Variants in DGKI observed in about 807,000 individuals in gnomAD.
DGKI encodes the protein DAG kinase iota.
A neutral mutation model predicts 147.5 loss-of-function variants in DGKI; 55 were observed. That is an observed-to-expected ratio of 0.37 (90% confidence interval 0.30 to 0.47). The LOEUF (loss-of-function observed/expected upper bound fraction) is 0.47. Among genes scored for constraint, DGKI ranks in the 20% least tolerant of loss-of-function variants. DGKI has a pLI of 1.00. For synonymous variants in DGKI, 469 were observed against 477.1 expected (o/e 0.98, Z 0.22); for missense variants, 1,007 against 1,323.8 (o/e 0.76, Z 3.71).
chr7:137,702,392 G>A (rs1723221249), intron 1 of DGKI, among the ~76,000 whole-genome samples: 1 of 152,124 alleles, frequency 6.6e-6, no homozygotes, highest in Admixed American at 6.5e-5. Flanking sequence ...TCCTATTTCT[G>A]TGCTTCTAGC....
chr7:137,583,398 C>A (rs1299197356), intron 14 of DGKI, among the ~76,000 whole-genome samples: 1 of 152,188 alleles, frequency 6.6e-6, no homozygotes, highest in Non-Finnish European at 1.5e-5. Flanking sequence ...GCCAAAAGCA[C>A]AGACATGTTC....
intron 28 of DGKI, among the ~76,000 whole-genome samples, chr7:137,443,305 C>A (rs1813583298): frequency 6.6e-6 from 1 of 152,110 alleles, no homozygotes; most frequent in Non-Finnish European, 1.5e-5. Context: ...CATTTTGGTG[C>A]TAGCCCGGTA....
intron 17 of DGKI, among the ~76,000 whole-genome samples, chr7:137,576,012 C>A (rs1818957857): frequency 6.7e-6 from 1 of 148,518 alleles, no homozygotes; most frequent in Non-Finnish European, 1.5e-5. Context: ...TTGTTCTGTT[C>A]TCTCTTGTCA....
chr7:137,621,376 G>A (rs763969408), intron 7 of DGKI, among the ~76,000 whole-genome samples: 1 of 152,062 alleles, frequency 6.6e-6, no homozygotes, highest in Non-Finnish European at 1.5e-5. Flanking sequence ...GAATACTTAA[G>A]TAATCTCCAC....
intron 30 of DGKI, among the ~76,000 whole-genome samples, chr7:137,398,904 AATACATC>A (rs1375923616): frequency 6.6e-6 from 1 of 151,976 alleles, no homozygotes; most frequent in African/African-American, 2.4e-5. Flanking sequence ...CTAGGTTTCC[AATACATC>A]ATATCTACTG....
chr7:137,475,756 T>C (rs1046527134), intron 23 of DGKI, among the ~76,000 whole-genome samples: 1 of 152,250 alleles, frequency 6.6e-6, no homozygotes, highest in African/African-American at 2.4e-5. Flanking sequence ...TTGGAGTTAC[T>C]GTAAGTCTGA....
chr7:137,631,509 C>T (rs1360793003), intron 6 of DGKI, among the ~76,000 whole-genome samples: 1 of 152,120 alleles, frequency 6.6e-6, no homozygotes, highest in Non-Finnish European at 1.5e-5. Flanking sequence ...AAAAAAACTA[C>T]ATCTCAAAAG....
At chr7:137,568,775 A>C (rs554444242) in intron 19 of DGKI, among the ~76,000 whole-genome samples, 23 of 152,220 alleles carry the variant, frequency 1.5e-4, no homozygotes, top group African/African-American at 5.5e-4. Flanking sequence ...AACCTAGTGC[A>C]CTATTTGTGA....
intron 20 of DGKI, among the ~76,000 whole-genome samples, chr7:137,536,680 T>C (rs1342266288): frequency 6.6e-6 from 1 of 152,174 alleles, no homozygotes; most frequent in Non-Finnish European, 1.5e-5. Context: ...GGTTAATACA[T>C]GGCTGATGTT....
At chr7:137,830,685 T>C (rs770314952) in intron 1 of DGKI, among the ~76,000 whole-genome samples, 1 of 152,208 alleles carries the variant, frequency 6.6e-6, no homozygotes, top group Non-Finnish European at 1.5e-5. Context: ...TGAAGAGGCA[T>C]GTGATATTTG....
chr7:137,646,504 G>A lies in DGKI; in HGVS notation c.739-967C>T, dbSNP rs1821829459. Among the ~76,000 whole-genome samples, 6 of 152,246 alleles carry A rather than the reference G, an allele frequency of 3.9e-5. 1 individual carries two copies. In the Middle Eastern group the frequency reaches 0.014, roughly 345 times the overall value. On this transcript the variant is annotated intron_variant, in intron 5 of 32. Transcript: ENST00000614521. ...CACTCCTGGGGCAGAGTCAAGCAGCGCCATTCACCACTGGTTCTCAGGATA... is the reference window on the plus strand; with the variant it reads ...CACTCCTGGGGCAGAGTCAAGCAGCACCATTCACCACTGGTTCTCAGGATA...
At chr7:137,447,498 G>A (rs1442639864) in intron 27 of DGKI, among the ~76,000 whole-genome samples, 1 of 152,190 alleles carries the variant, frequency 6.6e-6, no homozygotes, top group Non-Finnish European at 1.5e-5. Context: ...ACTTGGCTTT[G>A]AAGAATAAAG....
At chr7:137,798,084 T>A (rs967015153) in intron 1 of DGKI, among the ~76,000 whole-genome samples, 1 of 152,068 alleles carries the variant, frequency 6.6e-6, no homozygotes, top group Non-Finnish European at 1.5e-5. Flanking sequence ...ACTAATTAGA[T>A]GACCTAGATT....
Position 137,770,595 on chromosome 7 carries a change from G to A in DGKI, c.401+75867C>T, listed in dbSNP as rs1796162743. Among the ~76,000 whole-genome samples the A allele has an allele frequency of 2.0e-5, 2 of 102,458 alleles. 1 individual carries two copies. The highest frequency in any genetic ancestry group is 1.5e-4 in the African/African-American group (2 of 13,408). 67.2% of individuals were successfully genotyped at this position (102,458 alleles called of 152,430 possible). A position where few individuals can be genotyped will look rare whatever the true frequency, so the allele number is the denominator to read the frequency against. On this transcript the variant is annotated intron_variant, in intron 1 of 32. Transcript: ENST00000614521. Reference sequence around the variant, plus strand: ...GTCGCCCAGGCTGGAGTGCAGTGGCGGGATCTCGGCTCACTGCAAGCTCCG... The same window carrying A: ...GTCGCCCAGGCTGGAGTGCAGTGGCAGGATCTCGGCTCACTGCAAGCTCCG...
At chr7:137,690,186 G>C (rs1203844979) in intron 1 of DGKI, among the ~76,000 whole-genome samples, 184 bp from the exon 2 acceptor site, 1 of 152,134 alleles carries the variant, frequency 6.6e-6, no homozygotes, top group African/African-American at 2.4e-5. Context: ...GAGGGTGGCA[G>C]GTCCCAAAAG....
intron 27 of DGKI, among the ~76,000 whole-genome samples, chr7:137,444,980 C>T (rs984611754): frequency 2.6e-5 from 4 of 152,168 alleles, no homozygotes; most frequent in Non-Finnish European, 5.9e-5. Flanking sequence ...CATACTTCCC[C>T]TATTTTGAAG....
intron 6 of DGKI, among the ~76,000 whole-genome samples, chr7:137,642,983 A>G (rs1045307383): frequency 1.5e-4 from 15 of 99,222 alleles, no homozygotes; most frequent in Admixed American, 1.3e-3. Flanking sequence ...TGGGGGATGG[A>G]GTGAGGTTTA....
intron 1 of DGKI, chr7:137,772,220 AT>A (rs1414119640): frequency 2.2e-5 from 3 of 133,874 alleles, no homozygotes; most frequent in South Asian, 2.4e-4. Flanking sequence ...TAAAGGTAGA[AT>A]TTTAAAACAA....
intron 21 of DGKI, among the ~76,000 whole-genome samples, chr7:137,490,333 C>T (rs1815718612): frequency 6.6e-6 from 1 of 152,150 alleles, no homozygotes; most frequent in Non-Finnish European, 1.5e-5. Flanking sequence ...GAATAGATGT[C>T]ATACAGGATT....
Sources: gnomAD v4.1 joint callset for allele counts (sites outside exome capture counted in the v4.1 genomes callset) on GRCh38, gnomAD v4.1.1 for gene constraint, MANE v1.5 for transcripts, NCBI Gene and HGNC (gene_info 2026-07-23, HGNC 2026-07-21) for gene names.